The following MPP4 variants were observed in gnomAD, a reference collection of about 807,000 sequenced individuals.
MPP4 encodes MAGUK p55 scaffold protein 4.
In MPP4, 91 loss-of-function variants were observed where a neutral mutation model predicts 98.3. The observed-to-expected ratio is 0.93, with a 90% CI of 0.78 to 1.10. MPP4 has a LOEUF of 1.10. Among genes scored for constraint, MPP4 ranks in the 50% least tolerant of loss-of-function variants. The pLI is 0.00. For missense variants in MPP4, 744 were observed against 792.9 expected (o/e 0.94, Z 0.74); for synonymous variants, 261 against 271.8 (o/e 0.96, Z 0.39).
At chr2:201,691,638 C>G (rs1352725597) in intron 3 of MPP4, among the ~76,000 whole-genome samples, 2 of 152,210 alleles carry the variant, frequency 1.3e-5, no homozygotes, top group African/African-American at 4.8e-5. Flanking sequence ...GTGCCTCAGC[C>G]TCCAGAGTAG....
chr2:201,686,100 C>T (rs1285151164), intron 5 of MPP4, 50 bp from the exon 6 acceptor site: 1 of 1,596,592 alleles, frequency 6.3e-7, no homozygotes, highest in Non-Finnish European at 8.6e-7. Flanking sequence ...TGGGCCAAAC[C>T]CCTCTAGAAG....
rs377589827 is a variant in MPP4 at position 201,675,242 on chromosome 2, G to C, written c.959C>G (p.Pro320Arg). Residue 320 changes from proline (P) to arginine (R), a missense_variant, in exon 11 of 22, where the codon CCG becomes CGG. Coordinates refer to ENST00000409474, the MANE Select transcript of MPP4 (RefSeq NM_033066.3). ...RKQREFWWSQ[P>R]YQPHTCLKST... ...CTTGAGGCAGGTGTGAGGCTGGTAC[G>C]GCTGAGACCACCAGAATTCCCGTTG... 2 of 1,609,518 alleles carry C rather than the reference G, an allele frequency of 1.2e-6. No homozygotes were observed. Among genetic ancestry groups the C allele is most frequent in the Non-Finnish European group, 8.5e-7 (1 of 1,178,166 alleles).
At chr2:201,652,508 T>C (rs1034993846) in intron 18 of MPP4, among the ~76,000 whole-genome samples, 1 of 152,194 alleles carries the variant, frequency 6.6e-6, no homozygotes, top group Non-Finnish European at 1.5e-5. Context: ...CATGACTCTT[T>C]CACTCAGGTT....
At chr2:201,651,862 G>A (rs1687722228) in intron 18 of MPP4, 1 of 346,932 alleles carries the variant, frequency 2.9e-6, no homozygotes, top group South Asian at 1.2e-4. Context: ...GCTGAGGCAG[G>A]AGAATTGCTT....
chr2:201,695,098 G>A (rs771508361), intron 1 of MPP4, among the ~76,000 whole-genome samples: 11 of 152,154 alleles, frequency 7.2e-5, no homozygotes, highest in Admixed American at 2.0e-4. Context: ...CAGAGACAGA[G>A]AGAATCCAGG....
At chr2:201,659,847 T>C (rs1687975222) in intron 15 of MPP4, among the ~76,000 whole-genome samples, 1 of 152,114 alleles carries the variant, frequency 6.6e-6, no homozygotes, top group South Asian at 2.1e-4. Flanking sequence ...TATAAACATA[T>C]ATATAAAATA....
chr2:201,660,155 C>T (rs1687984500), intron 15 of MPP4, among the ~76,000 whole-genome samples, 177 bp downstream of exon 15: 1 of 152,116 alleles, frequency 6.6e-6, no homozygotes, highest in African/African-American at 2.4e-5. Context: ...ACCTCACAAA[C>T]TTAGTTTGGA....
At chr2:201,676,764 G>A (rs867218589) in intron 10 of MPP4, among the ~76,000 whole-genome samples, 5 of 152,258 alleles carry the variant, frequency 3.3e-5, no homozygotes, top group East Asian at 1.9e-4. Context: ...GTTGGACGTG[G>A]TGGTGCGCAC....
At position 201,650,178 on chromosome 2, in the gene MPP4, G is replaced by C; in HGVS notation, c.1382-13C>G. ...GTACGAGTAGTGTCTATCAGAAAAA[G>C]GGAATGAAAGGTTTCAGTGTCTTCA... is the stretch of plus-strand genomic sequence containing the variant. On this transcript the variant is annotated splice_polypyrimidine_tract_variant and intron_variant, in intron 18 of 21. Transcript: ENST00000409474. 6.4e-7 allele frequency: 1 copy of C among 1,551,712 alleles called. No individual in the cohort carries two copies. Among genetic ancestry groups the C allele is most frequent in the Non-Finnish European group, 8.7e-7 (1 of 1,147,874 alleles).
chr2:201,693,051 G>A lies in MPP4; in HGVS notation c.80-22C>T, dbSNP rs778355186. 2.4e-5 allele frequency: 39 copies of A among 1,604,056 alleles called. No individual in the cohort carries two copies. The South Asian group carries it at 4.1e-4, about 17-fold the overall frequency. ...AGGCCTAGGAAAGGAAGAGAGCAGAGATGGGGTGGCAGGTGCGGGTGTAAA... is the reference window on the plus strand; with the variant it reads ...AGGCCTAGGAAAGGAAGAGAGCAGAAATGGGGTGGCAGGTGCGGGTGTAAA... On this transcript the variant is annotated intron_variant, in intron 2 of 21. Coordinates refer to ENST00000409474, the MANE Select transcript of MPP4 (RefSeq NM_033066.3).
chr2:201,683,528 C>T (rs973660960), intron 7 of MPP4, among the ~76,000 whole-genome samples: 1 of 151,990 alleles, frequency 6.6e-6, no homozygotes. Context: ...GTAGGTGGAC[C>T]ACTTGAGGCC....
intron 19 of MPP4, 81 bp downstream of exon 19, chr2:201,649,991 G>C (rs772767580): frequency 6.8e-5 from 93 of 1,367,848 alleles, no homozygotes; most frequent in Non-Finnish European, 8.6e-5. Context: ...CAGGAGATTT[G>C]GAAAATACAT....
rs747305242 is a variant in MPP4, at chr2:201,681,060, A to G, written c.733-26T>C. On this transcript the variant is annotated intron_variant, in intron 9 of 21. Transcript: ENST00000409474. ...CTGATGGCAGGTGCATAATGACGCT[A>G]TCAGAAGGTGCCTAATGGTGCCATC... The G allele has an allele frequency of 3.8e-6, 6 of 1,597,886 alleles. 1 individual carries two copies. The South Asian group carries it at 6.6e-5, about 18-fold the overall frequency.
chr2:201,651,298 T>C, intron 18 of MPP4: 5 of 985,416 alleles, frequency 5.1e-6, no homozygotes, highest in Non-Finnish European at 6.0e-6. Context: ...ATTTTTGTTT[T>C]TTCCTTATTC....
At chr2:201,698,178 A>G in intron 1 of MPP4, 1 of 695,586 alleles carries the variant, frequency 1.4e-6, no homozygotes, top group Non-Finnish European at 1.8e-6. Flanking sequence ...AAAACGTACT[A>G]TTAAATGCCA....
intron 7 of MPP4, among the ~76,000 whole-genome samples, chr2:201,683,449 G>GA (rs1688721698): frequency 6.6e-6 from 1 of 152,178 alleles, no homozygotes; most frequent in Non-Finnish European, 1.5e-5. Flanking sequence ...GTCAAGAAGT[G>GA]AAAATAAAAC....
At chr2:201,660,391 C>T (rs572112733) in intron 14 of MPP4, 45 bp from the exon 15 acceptor site, 4 of 1,606,878 alleles carry the variant, frequency 2.5e-6, no homozygotes, top group African/African-American at 1.3e-5. Context: ...AAAAGTTAAG[C>T]CTTTAAGAAG....
intron 7 of MPP4, among the ~76,000 whole-genome samples, chr2:201,684,040 T>C (rs1390621096): frequency 2.0e-5 from 3 of 151,464 alleles, no homozygotes; most frequent in Non-Finnish European, 4.4e-5. Flanking sequence ...GGCAACATAG[T>C]GAGACCCTAT....
At chr2:201,656,093 G>T (rs1687838719) in intron 17 of MPP4, 105 bp downstream of exon 17, 9 of 1,234,246 alleles carry the variant, frequency 7.3e-6, no homozygotes, top group Non-Finnish European at 9.9e-6. Flanking sequence ...TTGTATGGGG[G>T]TCCATAAAGA....
Sources: allele counts gnomAD v4.1 joint callset (sites outside exome capture counted in the v4.1 genomes callset), GRCh38; gene constraint gnomAD v4.1.1; transcripts MANE v1.5; gene names NCBI Gene and HGNC (gene_info 2026-07-23, HGNC 2026-07-21).